The following SHC4 variants were observed in gnomAD, a reference collection of about 807,000 sequenced individuals.
SHC4 encodes the protein SHC-transforming protein 4.
SHC4 carries 41 observed loss-of-function variants against 69.4 expected under a neutral mutation model. The ratio of observed to expected loss-of-function variants is 0.59; its 90% confidence interval spans 0.46 to 0.77. The LOEUF (loss-of-function observed/expected upper bound fraction) is 0.77. SHC4 is among the 30% of genes least tolerant of loss of function. The probability of loss-of-function intolerance (pLI) is 0.00; values close to 1 mark genes in which losing one functional copy is unlikely to be tolerated. For synonymous variants in SHC4, 318 were observed against 299.3 expected (o/e 1.06, Z -0.64); for missense variants, 777 against 783.8 (o/e 0.99, Z 0.10).
chr15:48,914,823 A>G (rs1248072895), intron 2 of SHC4, among the ~76,000 whole-genome samples: 1 of 152,218 alleles, frequency 6.6e-6, no homozygotes, highest in Non-Finnish European at 1.5e-5. Flanking sequence ...GCAGATTCAC[A>G]TTGTTGTGCA....
intron 2 of SHC4, among the ~76,000 whole-genome samples, chr15:48,893,008 AGTT>A (rs1226419571): frequency 6.6e-6 from 1 of 152,210 alleles, no homozygotes; most frequent in African/African-American, 2.4e-5. Flanking sequence ...TTTTACTAGA[AGTT>A]GTTACTTTTA....
At chr15:48,934,110 T>C (rs1234906775) in intron 1 of SHC4, among the ~76,000 whole-genome samples, 2 of 152,144 alleles carry the variant, frequency 1.3e-5, no homozygotes, top group African/African-American at 2.4e-5. Context: ...TAAATTCTTT[T>C]GTGCTTCAAA....
intron 9 of SHC4, among the ~76,000 whole-genome samples, chr15:48,845,883 A>G (rs1899081516): frequency 6.6e-6 from 1 of 152,216 alleles, no homozygotes; most frequent in Admixed American, 6.5e-5. Context: ...ATATTAATAT[A>G]TTAGCACATG....
At chr15:48,867,419 A>T (rs2140990583) in intron 6 of SHC4, among the ~76,000 whole-genome samples, 1 of 152,032 alleles carries the variant, frequency 6.6e-6, no homozygotes, top group Non-Finnish European at 1.5e-5. Context: ...CAGCAAGTAC[A>T]CAGACACACA....
intron 4 of SHC4, among the ~76,000 whole-genome samples, chr15:48,883,830 A>G (rs966689401): frequency 2.0e-5 from 3 of 152,216 alleles, no homozygotes; most frequent in Admixed American, 2.0e-4. Context: ...TCAGTTCGCT[A>G]GAACATTAAC....
chr15:48,850,341 T>C (rs1204365348), intron 9 of SHC4, among the ~76,000 whole-genome samples: 1 of 152,152 alleles, frequency 6.6e-6, no homozygotes, highest in Non-Finnish European at 1.5e-5. Context: ...AATCTTCATG[T>C]ATCCTTCACT....
intron 2 of SHC4, among the ~76,000 whole-genome samples, chr15:48,893,792 T>C (rs1900175119): frequency 6.6e-6 from 1 of 152,226 alleles, no homozygotes; most frequent in African/African-American, 2.4e-5. Context: ...GAGAGTAATT[T>C]GGTAAAAGTT....
rs79373887 is a variant in SHC4 at position 48,828,503 on chromosome 15, T to C, written c.1738-2377A>G. Among the ~76,000 whole-genome samples, 1,229 of 152,294 alleles carry C rather than the reference T, an allele frequency of 8.1e-3. 18 individuals are homozygous for C. Among genetic ancestry groups the C allele is most frequent in the African/African-American group, 0.029 (1,186 of 41,556 alleles). On this transcript the variant is annotated intron_variant, in intron 11 of 11. Coordinates refer to ENST00000332408, the MANE Select transcript of SHC4 (RefSeq NM_203349.4). ...TTTCAAGATCCTGCTTTCAGTTCTT[T>C]TGGATAATTACCCAGAAGTGAGGTT...
At position 48,867,873 on chromosome 15, in the gene SHC4, TA is replaced by T. The variant is rs1567057012; in HGVS notation, c.895-5del. ...AGGCAACATAGTCTGTAGTATCCTA[TA>T]AAAAAGGGAAAATGACTGTATTTAA... On this transcript the variant is annotated splice_polypyrimidine_tract_variant and splice_region_variant and intron_variant, in intron 5 of 11. Coordinates refer to ENST00000332408, the MANE Select transcript of SHC4 (RefSeq NM_203349.4). The T allele has an allele frequency of 2.5e-6, 4 of 1,610,636 alleles. No homozygotes were observed. The East Asian group carries it at 6.7e-5, about 27-fold the overall frequency.
intron 1 of SHC4, among the ~76,000 whole-genome samples, chr15:48,950,093 A>G (rs1486548058): frequency 1.4e-5 from 2 of 143,300 alleles, no homozygotes; most frequent in Non-Finnish European, 3.0e-5. Flanking sequence ...ATATATTTTT[A>G]TAATATAGTA....
At chr15:48,838,236 G>A (rs1433416148) in intron 10 of SHC4, among the ~76,000 whole-genome samples, 1 of 152,196 alleles carries the variant, frequency 6.6e-6, no homozygotes, top group African/African-American at 2.4e-5. Context: ...AAAGCGGAGC[G>A]TTGTCTTATT....
chr15:48,874,327 A>G (rs1188105953), intron 4 of SHC4, among the ~76,000 whole-genome samples: 6 of 152,184 alleles, frequency 3.9e-5, no homozygotes, highest in Admixed American at 1.3e-4. Context: ...TCATGTGTCC[A>G]TGGTGAGAAG....
In SHC4 at chr15:48,963,714, C is replaced by G. The variant is rs1242877820; in HGVS notation, c.-699G>C. 6.6e-6 allele frequency among the ~76,000 whole-genome samples: 1 copy of G among 152,088 alleles called. No individual in the cohort carries two copies. Among genetic ancestry groups the G allele is most frequent in the Non-Finnish European group, 1.5e-5 (1 of 68,018 alleles). On this transcript the variant is annotated 5_prime_UTR_variant, in exon 1 of 12. Transcript: ENST00000332408. ...ATTGTTTCACTGACTTGTGATGGGT[C>G]CGTGTTCCTCAGATCCCCTCCCAGC... is the stretch of plus-strand genomic sequence containing the variant.
At chr15:48,871,220 G>A (rs1050778490) in intron 5 of SHC4, among the ~76,000 whole-genome samples, 2 of 152,196 alleles carry the variant, frequency 1.3e-5, no homozygotes, top group Non-Finnish European at 2.9e-5. Flanking sequence ...TAAGAACAAG[G>A]TCTGTGTATG....
At position 48,962,936 on chromosome 15, in the gene SHC4, C is replaced by A. The variant is rs954839627; in HGVS notation, c.80G>T (p.Arg27Met). 1.2e-6 allele frequency: 2 copies of A among 1,613,138 alleles called. No homozygotes were observed. The highest frequency in any genetic ancestry group is 2.7e-5 in the African/African-American group (2 of 74,942). ...GTTCCGAAAGCGGCTGTACTTGGCC[C>A]TGTGCAGCATCCCGGGGTGCCCGAA... ...GLFGHPGMLHRAKYSRFRNES... is the reference protein window; with the variant it reads ...GLFGHPGMLHMAKYSRFRNES... The change falls in exon 1 of 12, where the codon AGG becomes ATG. Residue 27 changes from arginine to methionine, a missense_variant. Coordinates refer to ENST00000332408, the MANE Select transcript of SHC4 (RefSeq NM_203349.4).
chr15:48,845,674 A>G (rs998444190), intron 9 of SHC4, among the ~76,000 whole-genome samples: 1 of 152,128 alleles, frequency 6.6e-6, no homozygotes, highest in African/African-American at 2.4e-5. Flanking sequence ...GGCCCCTCAA[A>G]TGTTCAAATT....
intron 2 of SHC4, among the ~76,000 whole-genome samples, chr15:48,901,523 A>ATGG (rs1900317651): frequency 5.3e-5 from 8 of 152,158 alleles, no homozygotes; most frequent in Admixed American, 4.6e-4. Flanking sequence ...GAAACAAATT[A>ATGG]TTTTTTCCTT....
At position 48,878,473 on chromosome 15, in the gene SHC4, C is replaced by A. The variant is rs564257429; in HGVS notation, c.840+5775G>T. ...CAGACTTCGAGAGCGAGGACGAGGG[C>A]GAGGAATTTGATGACTGGGAGGACG... On this transcript the variant is annotated intron_variant, in intron 4 of 11. Transcript: ENST00000332408. 53 of 1,613,764 alleles carry A rather than the reference C, an allele frequency of 3.3e-5. No individual in the cohort carries two copies. In the African/African-American group the frequency reaches 6.8e-4, roughly 21 times the overall value.
At chr15:48,928,638 C>T (rs958508689) in intron 1 of SHC4, among the ~76,000 whole-genome samples, 9 of 152,216 alleles carry the variant, frequency 5.9e-5, no homozygotes, top group East Asian at 1.9e-4. Flanking sequence ...AATTCCTCCA[C>T]GGTGTCGTTC....
Sources: allele counts gnomAD v4.1 joint callset (sites outside exome capture counted in the v4.1 genomes callset), GRCh38; gene constraint gnomAD v4.1.1; transcripts MANE v1.5; gene names NCBI Gene and HGNC (gene_info 2026-07-23, HGNC 2026-07-21).